Variants in NPAS3 observed in about 807,000 individuals in gnomAD.
NPAS3 encodes neuronal PAS domain-containing protein 3.
NPAS3 carries 14 observed loss-of-function variants against 73.1 expected under a neutral mutation model. The ratio of observed to expected loss-of-function variants is 0.19; its 90% CI spans 0.13 to 0.30. The LOEUF (loss-of-function observed/expected upper bound fraction) is 0.30, where lower values mean the gene tolerates loss of function less well. Ranked by LOEUF, NPAS3 falls within the 10% of genes least tolerant of loss-of-function variation. The pLI, the probability that NPAS3 is intolerant of heterozygous loss-of-function variation, is 1.00. For synonymous variants in NPAS3, 620 were observed against 541.5 expected, an observed-to-expected ratio of 1.14 and a Z score of -2.01; for missense variants, 1,096 against 1,250.0, an observed-to-expected ratio of 0.88 and a Z score of 1.86.
chr14:33,692,670 C>T (rs1473768140), intron 6 of NPAS3, among the ~76,000 whole-genome samples: 4 of 151,874 alleles, frequency 2.6e-5, no homozygotes, highest in African/African-American at 9.7e-5. Flanking sequence ...TATATGAAAT[C>T]AGGAAAGTTG....
chr14:32,999,237 T>A (rs150714637), intron 1 of NPAS3, among the ~76,000 whole-genome samples: 6 of 152,026 alleles, frequency 3.9e-5, no homozygotes, highest in African/African-American at 1.5e-4. Context: ...TCCGGCCGGG[T>A]GCGGTGGCTC....
intron 3 of NPAS3, among the ~76,000 whole-genome samples, chr14:33,271,237 G>A (rs2041062879): frequency 6.6e-6 from 1 of 152,114 alleles, no homozygotes; most frequent in African/African-American, 2.4e-5. Flanking sequence ...CTTCCTCCTG[G>A]GTATAAGGCA....
intron 1 of NPAS3, among the ~76,000 whole-genome samples, chr14:33,023,333 A>T (rs1381961524): frequency 6.6e-6 from 1 of 152,192 alleles, no homozygotes; most frequent in African/African-American, 2.4e-5. Flanking sequence ...TTACACTTGG[A>T]TTCAATGCTG....
chr14:33,411,285 C>G (rs778268401), intron 4 of NPAS3, among the ~76,000 whole-genome samples: 1 of 152,254 alleles, frequency 6.6e-6, no homozygotes, highest in South Asian at 2.1e-4. Context: ...TGGGTTCAAG[C>G]GATTCTCCTG....
At chr14:33,273,707 T>A (rs537654721) in intron 3 of NPAS3, among the ~76,000 whole-genome samples, 1 of 152,244 alleles carries the variant, frequency 6.6e-6, no homozygotes, top group East Asian at 1.9e-4. Context: ...AAATGATAGA[T>A]TTGGCTTTAA....
intron 4 of NPAS3, among the ~76,000 whole-genome samples, chr14:33,442,148 G>A (rs192039608): frequency 9.7e-4 from 147 of 152,252 alleles, no homozygotes; most frequent in African/African-American, 3.3e-3. Flanking sequence ...ACTGGGGGGA[G>A]GACTAAATCC....
intron 4 of NPAS3, among the ~76,000 whole-genome samples, chr14:33,372,595 T>TTA (rs2046140096): frequency 6.6e-6 from 1 of 152,148 alleles, no homozygotes; most frequent in Non-Finnish European, 1.5e-5. Context: ...GTGACCAATA[T>TTA]TATAGTCTCA....
At chr14:33,312,846 G>A (rs1312998875) in intron 3 of NPAS3, among the ~76,000 whole-genome samples, 1 of 151,966 alleles carries the variant, frequency 6.6e-6, no homozygotes, top group African/African-American at 2.4e-5. Context: ...GTGGAGTAGG[G>A]GGAAGCCATT....
intron 3 of NPAS3, among the ~76,000 whole-genome samples, chr14:33,319,601 G>A (rs181457108): frequency 2.6e-5 from 4 of 152,108 alleles, no homozygotes; most frequent in African/African-American, 7.2e-5. Context: ...AATAAGTTAT[G>A]ATTCTATTTT....
chr14:33,795,572 G>T (rs1415952542), intron 10 of NPAS3, among the ~76,000 whole-genome samples: 1 of 152,166 alleles, frequency 6.6e-6, no homozygotes, highest in Non-Finnish European at 1.5e-5. Flanking sequence ...AGAATTAAAC[G>T]CTGGAAACAG....
At chr14:33,124,898 T>C (rs1293960675) in intron 2 of NPAS3, among the ~76,000 whole-genome samples, 1 of 152,062 alleles carries the variant, frequency 6.6e-6, no homozygotes, top group East Asian at 1.9e-4. Flanking sequence ...ACCATTAGCT[T>C]TTAGGATTCA....
At chr14:33,254,633 T>G (rs1161629576) in intron 3 of NPAS3, among the ~76,000 whole-genome samples, 1 of 152,114 alleles carries the variant, frequency 6.6e-6, no homozygotes, top group Non-Finnish European at 1.5e-5. Context: ...AATCACTCTT[T>G]GAGGCAACCA....
chr14:33,765,420 G>A (rs543767456), intron 7 of NPAS3, among the ~76,000 whole-genome samples: 1 of 152,036 alleles, frequency 6.6e-6, no homozygotes, highest in Non-Finnish European at 1.5e-5. Context: ...GCCAGGGGCC[G>A]GCTGGGCTAG....
chr14:33,326,605 A>T (rs1332451436), intron 3 of NPAS3, among the ~76,000 whole-genome samples: 1 of 152,208 alleles, frequency 6.6e-6, no homozygotes, highest in African/African-American at 2.4e-5. Context: ...GAACGTGAAA[A>T]TCTAACTGCC....
At chr14:33,344,260 A>G (rs572770141) in intron 3 of NPAS3, among the ~76,000 whole-genome samples, 4 of 152,360 alleles carry the variant, frequency 2.6e-5, no homozygotes, top group East Asian at 3.9e-4. Flanking sequence ...GTTGAATTAA[A>G]AAATGACAAA....
At chr14:33,013,436 G>T (rs2039283550) in intron 1 of NPAS3, among the ~76,000 whole-genome samples, 9 of 152,084 alleles carry the variant, frequency 5.9e-5, no homozygotes. Flanking sequence ...TTACATTTTG[G>T]ATAGTTTTAC....
rs1194971439 is a variant in NPAS3, at chr14:33,800,430, A to C, written c.2123A>C (p.His708Pro). ...GGGGGTGGCGGTGGCGGGGGGCTGCACGTGGCCATTCCCGACTCGGTCCTC... is the reference window on the plus strand; with the variant it reads ...GGGGGTGGCGGTGGCGGGGGGCTGCCCGTGGCCATTCCCGACTCGGTCCTC... Residue 708 changes from histidine (H) to proline (P), a missense_variant, in exon 12 of 12, where the codon CAC becomes CCC. Transcript: ENST00000356141. This position sits in a 1 kb window ranked among gnomAD's most constrained non-coding sequence, Gnocchi z 6.5. The C allele has an allele frequency of 6.3e-7, 1 of 1,587,088 alleles. No homozygotes were observed. Among genetic ancestry groups the C allele is most frequent in the African/African-American group, 1.4e-5 (1 of 72,268 alleles).
intron 2 of NPAS3, among the ~76,000 whole-genome samples, chr14:33,071,038 A>T (rs775890663): frequency 2.0e-5 from 3 of 152,182 alleles, no homozygotes; most frequent in Non-Finnish European, 4.4e-5. Context: ...AGCCTCTATC[A>T]GTTTTCCTAG....
chr14:33,590,561 T>C lies in NPAS3; in HGVS notation c.558+30351T>C, dbSNP rs1396419365. ...TTTTGCTCATCTAAGAGAGCCACTT[T>C]TATTTTTTGAATACTCAGGAACCAG... is the stretch of plus-strand genomic sequence containing the variant. On this transcript the variant is annotated intron_variant, in intron 5 of 11. Coordinates refer to ENST00000356141, the Ensembl canonical transcript of NPAS3. Among the ~76,000 whole-genome samples the C allele has an allele frequency of 2.0e-5, 3 of 152,184 alleles. No individual in the cohort carries two copies. In the East Asian group the frequency reaches 5.8e-4, roughly 29 times the overall value.
Sources: allele counts gnomAD v4.1 joint callset (sites outside exome capture counted in the v4.1 genomes callset), GRCh38; gene constraint gnomAD v4.1.1; non-coding constraint Gnocchi (gnomAD v3.1); transcripts MANE v1.5; gene names NCBI Gene and HGNC (gene_info 2026-07-23, HGNC 2026-07-21).